Variants in ODAD2 observed in about 807,000 individuals in gnomAD.
ODAD2 encodes outer dynein arm docking complex subunit 2.
Under a neutral mutation model 106.8 loss-of-function variants are expected in ODAD2, and 89 were observed. The observed-to-expected ratio is 0.83, with a 90% CI of 0.70 to 0.99. ODAD2 has a LOEUF of 0.99. Among genes scored for constraint, ODAD2 ranks in the 50% least tolerant of loss-of-function variants. ODAD2 has a pLI of 0.00. For synonymous variants in ODAD2, 404 were observed against 436.2 expected (o/e 0.93, Z 0.92); for missense variants, 1,168 against 1,238.5 (o/e 0.94, Z 0.85).
rs764402372 is a variant in ODAD2 at position 27,862,491 on chromosome 10, AT to A, written c.2741del (p.Asn914IlefsTer2). ...CTCCATGATCTGTGATAACAGCTAAATTTTCTTGATCTTTTGCTATGTTGGT... is the reference window on the plus strand; with the variant it reads ...CTCCATGATCTGTGATAACAGCTAAATTTCTTGATCTTTTGCTATGTTGGT... The part of the protein sequence containing the change: ...AITNIAKDQE[N>X]LAVITDHGVV... On this transcript the variant is annotated frameshift_variant, in exon 18 of 20. Transcript: ENST00000305242. LOFTEE classifies it high-confidence loss of function. 4.3e-6 allele frequency: 7 copies of A among 1,612,486 alleles called. No homozygotes were observed. In the East Asian group the frequency reaches 8.9e-5, roughly 21 times the overall value.
intron 17 of ODAD2, 103 bp from the exon 18 acceptor site, chr10:27,862,725 C>T: frequency 1.5e-6 from 1 of 674,978 alleles, no homozygotes; most frequent in Non-Finnish European, 2.3e-6. Flanking sequence ...ACATCTTTGG[C>T]ATGAAAGACT....
rs144339366 is a variant in ODAD2 at position 27,917,080 on chromosome 10, A to T, written c.2496-9303T>A. On this transcript the variant is annotated intron_variant, in intron 16 of 19. Coordinates refer to ENST00000305242, the MANE Select transcript of ODAD2 (RefSeq NM_018076.5). Reference sequence around the variant, plus strand: ...AAAGCATTGCATAAAACTACTGCAGAATACACAGTTTTCTCTCAGTGCAAA... The same window carrying T: ...AAAGCATTGCATAAAACTACTGCAGTATACACAGTTTTCTCTCAGTGCAAA... 4.6e-5 allele frequency among the ~76,000 whole-genome samples: 7 copies of T among 152,330 alleles called. No homozygotes were observed. In the East Asian group the frequency reaches 1.3e-3, roughly 29 times the overall value.
chr10:27,924,797 C>G (rs888324508), intron 16 of ODAD2, among the ~76,000 whole-genome samples: 1 of 150,798 alleles, frequency 6.6e-6, no homozygotes, highest in African/African-American at 2.4e-5. Flanking sequence ...TAATAAAATG[C>G]AGATTTCCAA....
chr10:27,895,143 A>C (rs187188928), intron 17 of ODAD2, among the ~76,000 whole-genome samples: 2 of 152,128 alleles, frequency 1.3e-5, no homozygotes, highest in Admixed American at 1.3e-4. Context: ...TAAAACTTAT[A>C]TAATGAACAT....
rs1282796280 is a variant in ODAD2, at chr10:27,995,249, A to G, written c.-38-69T>C. The G allele has an allele frequency of 4.1e-6, 6 of 1,473,294 alleles. No individual in the cohort carries two copies. The South Asian group carries it at 7.0e-5, about 17-fold the overall frequency. The allele number at this position is 1,473,294 out of a possible 1,614,324, so 91.3% of individuals were successfully genotyped here. ...TTCCTTGGAACATTTTTCATTCTCA[A>G]GACTTTAAACTAGTACTCCCCATCC... On this transcript the variant is annotated intron_variant, in intron 1 of 19. Transcript: ENST00000305242.
intron 9 of ODAD2, among the ~76,000 whole-genome samples, chr10:27,966,872 G>A (rs1848519049): frequency 6.6e-6 from 1 of 150,616 alleles, no homozygotes. Context: ...TCTGGATATT[G>A]TATATAAAAC....
intron 19 of ODAD2, among the ~76,000 whole-genome samples, chr10:27,815,886 C>T (rs1227632733): frequency 6.6e-6 from 1 of 152,190 alleles, no homozygotes; most frequent in Non-Finnish European, 1.5e-5. Flanking sequence ...TCTTAGCCAT[C>T]TCCACTTGGA....
At position 27,862,471 on chromosome 10, in the gene ODAD2, T is replaced by A; in HGVS notation, c.2762A>T (p.His921Leu). The A allele has an allele frequency of 6.2e-7, 1 of 1,611,720 alleles. No individual in the cohort carries two copies. The highest frequency in any genetic ancestry group is 8.5e-7 in the Non-Finnish European group (1 of 1,179,130). ...TTTGGACAATAAAGGAACAACTCCA[T>A]GATCTGTGATAACAGCTAAATTTTC... ...DQENLAVITD[H>L]GVVPLLSKLA... Residue 921 changes from histidine to leucine, a missense_variant, in exon 18 of 20, where the codon CAT (histidine) becomes CTT (leucine). Around this residue, in one of 3 missense-constraint regions of ODAD2, gnomAD observed 701 missense variants for 712.3 expected, o/e 0.98. Transcript: ENST00000305242.
chr10:27,916,148 G>C (rs1844359155), intron 16 of ODAD2, among the ~76,000 whole-genome samples: 1 of 152,132 alleles, frequency 6.6e-6, no homozygotes, highest in African/African-American at 2.4e-5. Flanking sequence ...TGTGGGGACA[G>C]AGACTGAAAA....
intron 17 of ODAD2, among the ~76,000 whole-genome samples, 156 bp from the exon 18 acceptor site, chr10:27,862,778 T>A (rs567317017): frequency 8.3e-5 from 10 of 119,912 alleles, no homozygotes; most frequent in Non-Finnish European, 2.0e-4. Context: ...TATTTCTACA[T>A]GTATATGTAT....
At chr10:27,913,614 T>C (rs1844161551) in intron 16 of ODAD2, among the ~76,000 whole-genome samples, 2 of 152,100 alleles carry the variant, frequency 1.3e-5, no homozygotes, top group African/African-American at 4.8e-5. Flanking sequence ...ATCCACAATC[T>C]ATAAGAAACT....
At chr10:27,905,716 A>G (rs767611586) in intron 17 of ODAD2, among the ~76,000 whole-genome samples, 5 of 152,190 alleles carry the variant, frequency 3.3e-5, no homozygotes, top group Non-Finnish European at 7.3e-5. Context: ...AATGCCACAC[A>G]TCTACAACCA....
intron 16 of ODAD2, among the ~76,000 whole-genome samples, chr10:27,914,421 A>G (rs778560005): frequency 6.6e-5 from 10 of 152,130 alleles, no homozygotes; most frequent in Non-Finnish European, 1.3e-4. Context: ...AGCATTCATT[A>G]ATTATCCTTG....
intron 17 of ODAD2, among the ~76,000 whole-genome samples, chr10:27,872,251 T>C (rs1381329519): frequency 1.3e-5 from 2 of 152,082 alleles, no homozygotes; most frequent in Non-Finnish European, 2.9e-5. Flanking sequence ...TTAAGGAGAT[T>C]TTGGGCTGAG....
intron 16 of ODAD2, among the ~76,000 whole-genome samples, chr10:27,926,938 G>C (rs1039015111): frequency 6.6e-6 from 1 of 152,000 alleles, no homozygotes; most frequent in African/African-American, 2.4e-5. Flanking sequence ...TACAAAACAA[G>C]AAACGAAAAT....
intron 19 of ODAD2, among the ~76,000 whole-genome samples, chr10:27,840,429 G>A (rs1377028182): frequency 6.6e-6 from 1 of 152,140 alleles, no homozygotes; most frequent in Non-Finnish European, 1.5e-5. Context: ...CATCATGAAC[G>A]CCCTTGACTG....
At chr10:27,870,204 C>G (rs16928376) in intron 17 of ODAD2, among the ~76,000 whole-genome samples, 3,366 of 152,106 alleles carry the variant, frequency 0.022, 142 homozygotes, top group African/African-American at 0.077. Context: ...CAGGCATTTC[C>G]CGATCTGGCC....
At chr10:27,936,066 G>A (rs1590068364) in intron 15 of ODAD2, among the ~76,000 whole-genome samples, 1 of 151,984 alleles carries the variant, frequency 6.6e-6, no homozygotes, top group African/African-American at 2.4e-5. Context: ...ACTTCACTAC[G>A]CCTTATTAAG....
At chr10:27,944,532 A>C in intron 11 of ODAD2, 101 bp from the exon 12 acceptor site, 1 of 1,108,446 alleles carries the variant, frequency 9.0e-7, no homozygotes, top group Non-Finnish European at 1.3e-6. Flanking sequence ...AAGTTTTTTA[A>C]GAAATCATTT....
Sources: gnomAD v4.1 joint callset for allele counts (sites outside exome capture counted in the v4.1 genomes callset) on GRCh38, gnomAD v4.1.1 for gene constraint, gnomAD v4.1.1 regional missense constraint, MANE v1.5 for transcripts, NCBI Gene and HGNC (gene_info 2026-07-23, HGNC 2026-07-21) for gene names.